The following CNTN5 variants were observed in gnomAD, a reference collection of about 807,000 sequenced individuals.
The protein encoded by CNTN5 is contactin-5.
A neutral mutation model predicts 129.1 loss-of-function variants in CNTN5; 77 were observed. That is an observed-to-expected ratio of 0.60 (90% CI 0.50 to 0.72). The LOEUF is 0.72. CNTN5 is among the 30% of genes least tolerant of loss of function. CNTN5 has a pLI of 0.00. For synonymous variants in CNTN5, 509 were observed against 465.6 expected (o/e 1.09, Z -1.20); for missense variants, 1,478 against 1,328.8 (o/e 1.11, Z -1.75).
At chr11:99,811,725 C>T (rs1437040329) in intron 3 of CNTN5, among the ~76,000 whole-genome samples, 1 of 151,786 alleles carries the variant, frequency 6.6e-6, no homozygotes, top group Non-Finnish European at 1.5e-5. Flanking sequence ...TTACTCCTAC[C>T]CAACCTCCAG....
At chr11:100,070,654 T>C (rs1943886168) in intron 11 of CNTN5, 94 bp downstream of exon 11, 2 of 1,184,106 alleles carry the variant, frequency 1.7e-6, no homozygotes, top group Non-Finnish European at 2.4e-6. Flanking sequence ...GAAAGCCTTT[T>C]CCTGTTTCTG....
chr11:99,251,909 T>C (rs556585203), intron 1 of CNTN5, among the ~76,000 whole-genome samples: 1 of 152,172 alleles, frequency 6.6e-6, no homozygotes, highest in Non-Finnish European at 1.5e-5. Flanking sequence ...AGGTTTAATA[T>C]GGAATTATTT....
chr11:99,976,401 G>T (rs903174165), intron 8 of CNTN5, among the ~76,000 whole-genome samples: 19 of 152,178 alleles, frequency 1.2e-4, no homozygotes, highest in Admixed American at 1.2e-3. Flanking sequence ...CTTGAGTGGG[G>T]CCTCCAACCC....
intron 2 of CNTN5, among the ~76,000 whole-genome samples, chr11:99,456,967 G>A (rs1275603166): frequency 3.3e-5 from 5 of 151,950 alleles, no homozygotes; most frequent in Non-Finnish European, 7.4e-5. Flanking sequence ...GTCAGGCAAC[G>A]TGATAGATGC....
chr11:99,274,321 G>A (rs888797740), intron 1 of CNTN5, among the ~76,000 whole-genome samples: 1 of 151,662 alleles, frequency 6.6e-6, no homozygotes, highest in Non-Finnish European at 1.5e-5. Flanking sequence ...TTTTTGACTT[G>A]TCTGAAATAT....
intron 8 of CNTN5, among the ~76,000 whole-genome samples, chr11:99,974,785 G>A (rs569525756): frequency 1.2e-4 from 18 of 152,260 alleles, no homozygotes; most frequent in African/African-American, 4.1e-4. Flanking sequence ...AATTAGTAGA[G>A]TCTACTTAAT....
chr11:99,897,877 G>T (rs1013949948), intron 6 of CNTN5, among the ~76,000 whole-genome samples: 1 of 152,086 alleles, frequency 6.6e-6, no homozygotes, highest in Non-Finnish European at 1.5e-5. Flanking sequence ...AAGATCTAAT[G>T]ATCTGCTGTC....
At chr11:99,522,306 A>T (rs1455520987) in intron 2 of CNTN5, among the ~76,000 whole-genome samples, 2 of 152,172 alleles carry the variant, frequency 1.3e-5, no homozygotes, top group Non-Finnish European at 2.9e-5. Context: ...TTTAAATTGG[A>T]TTATTTTTAC....
At chr11:99,408,873 C>T (rs1293452784) in intron 2 of CNTN5, among the ~76,000 whole-genome samples, 1 of 152,126 alleles carries the variant, frequency 6.6e-6, no homozygotes, top group Non-Finnish European at 1.5e-5. Flanking sequence ...TAATCTTTAA[C>T]TATTTTGGGC....
chr11:99,033,801 C>T (rs950516776), intron 1 of CNTN5, among the ~76,000 whole-genome samples: 4 of 152,072 alleles, frequency 2.6e-5, no homozygotes, highest in Non-Finnish European at 5.9e-5. Context: ...ACTTCCAACA[C>T]TATGGTGAAT....
At chr11:99,329,279 C>T (rs1326535792) in intron 2 of CNTN5, among the ~76,000 whole-genome samples, 1 of 152,122 alleles carries the variant, frequency 6.6e-6, no homozygotes, top group African/African-American at 2.4e-5. Flanking sequence ...ACAAGGCATC[C>T]ACAGGTTGAA....
intron 9 of CNTN5, among the ~76,000 whole-genome samples, chr11:100,049,290 G>A (rs1410527793): frequency 6.6e-6 from 1 of 151,960 alleles, no homozygotes; most frequent in Non-Finnish European, 1.5e-5. Flanking sequence ...ATGGCACAAA[G>A]GGTAGGAAGG....
intron 1 of CNTN5, among the ~76,000 whole-genome samples, chr11:99,225,631 A>C (rs1297584538): frequency 6.6e-6 from 1 of 152,080 alleles, no homozygotes; most frequent in African/African-American, 2.4e-5. Context: ...CTCACTACCA[A>C]ATCTGCATAA....
intron 1 of CNTN5, among the ~76,000 whole-genome samples, chr11:99,127,492 C>T (rs963915499): frequency 6.6e-6 from 1 of 152,112 alleles, no homozygotes; most frequent in Non-Finnish European, 1.5e-5. Flanking sequence ...AACAGAAACC[C>T]CTTCTCTTGC....
Position 99,561,508 on chromosome 11 carries a change from G to A in CNTN5, c.55+5239G>A, listed in dbSNP as rs188900353. Among the ~76,000 whole-genome samples the A allele has an allele frequency of 4.1e-4, 62 of 152,068 alleles. No individual in the cohort carries two copies. In the Middle Eastern group the frequency reaches 0.01, roughly 25 times the overall value. The stretch of plus-strand genomic sequence containing the variant: ...TAAATATCTCTTTTCTTAAGTATTC[G>A]CTGTGCATACTGACTTGTTTCCAAA... On this transcript the variant is annotated intron_variant, in intron 3 of 24. Coordinates refer to ENST00000524871, the MANE Select transcript of CNTN5 (RefSeq NM_014361.4).
At chr11:100,207,324 CA>C in intron 15 of CNTN5, among the ~76,000 whole-genome samples, 1 of 152,070 alleles carries the variant, frequency 6.6e-6, no homozygotes, top group Non-Finnish European at 1.5e-5. Flanking sequence ...GTTGTTCAAC[CA>C]ACTAGCATAA....
At chr11:99,560,759 A>G (rs939070895) in intron 3 of CNTN5, among the ~76,000 whole-genome samples, 2 of 152,144 alleles carry the variant, frequency 1.3e-5, no homozygotes, top group Admixed American at 6.5e-5. Flanking sequence ...ATCCATAAAC[A>G]TGTATACTGG....
At chr11:99,797,282 T>C (rs1035792416) in intron 3 of CNTN5, among the ~76,000 whole-genome samples, 1 of 152,164 alleles carries the variant, frequency 6.6e-6, no homozygotes, top group Non-Finnish European at 1.5e-5. Flanking sequence ...ATGGGACTGA[T>C]AGGTGGAATG....
chr11:99,054,699 A>G (rs1346569821), intron 1 of CNTN5, among the ~76,000 whole-genome samples: 1 of 151,794 alleles, frequency 6.6e-6, no homozygotes, highest in African/African-American at 2.4e-5. Context: ...ATAAGCTCAA[A>G]TCCAATGGAA....
Sources: gnomAD v4.1 joint callset for allele counts (sites outside exome capture counted in the v4.1 genomes callset) on GRCh38, gnomAD v4.1.1 for gene constraint, MANE v1.5 for transcripts, NCBI Gene and HGNC (gene_info 2026-07-23, HGNC 2026-07-21) for gene names.